Variants in CATSPERB observed in about 807,000 individuals in gnomAD.
The protein encoded by CATSPERB is cation channel sperm-associated auxiliary subunit beta.
CATSPERB carries 93 observed loss-of-function variants against 128.3 expected under a neutral mutation model. That is an observed-to-expected ratio of 0.72 (90% CI 0.61 to 0.86). The LOEUF is 0.86. Ranked by LOEUF, CATSPERB falls within the 40% of genes least tolerant of loss-of-function variation. The probability of loss-of-function intolerance (pLI) is 0.00; values close to 1 mark genes in which losing one functional copy is unlikely to be tolerated. For synonymous variants in CATSPERB, 381 were observed against 448.8 expected, an observed-to-expected ratio of 0.85 and a Z score of 1.91; for missense variants, 1,153 against 1,329.5, an observed-to-expected ratio of 0.87 and a Z score of 2.06.
intron 7 of CATSPERB, among the ~76,000 whole-genome samples, chr14:91,694,510 A>C (rs1895526852): frequency 6.6e-6 from 1 of 151,778 alleles, no homozygotes; most frequent in South Asian, 2.1e-4. Context: ...CTATTCACTA[A>C]GCATAAGAGA....
intron 15 of CATSPERB, among the ~76,000 whole-genome samples, chr14:91,646,817 T>G (rs1479466742): frequency 6.6e-6 from 1 of 152,222 alleles, no homozygotes; most frequent in Non-Finnish European, 1.5e-5. Flanking sequence ...AAGCTTTTGG[T>G]GTGTTATTAG....
At chr14:91,668,013 C>A (rs1396755613) in intron 14 of CATSPERB, among the ~76,000 whole-genome samples, 2 of 152,212 alleles carry the variant, frequency 1.3e-5, no homozygotes, top group Non-Finnish European at 2.9e-5. Flanking sequence ...CTACCGAGGA[C>A]ACCTGGACTG....
At chr14:91,716,847 T>C (rs1895951359) in intron 5 of CATSPERB, among the ~76,000 whole-genome samples, 2 of 152,062 alleles carry the variant, frequency 1.3e-5, no homozygotes. Flanking sequence ...TTTGACAGTT[T>C]TTCTTATAAA....
rs377173279 is a variant in CATSPERB at position 91,591,743 on chromosome 14, G to T, written c.2820+149C>A. On this transcript the variant is annotated intron_variant, in intron 23 of 26. Coordinates refer to ENST00000256343, the MANE Select transcript of CATSPERB (RefSeq NM_024764.4). Reference sequence around the variant, plus strand: ...AACTTGCAAGGTACATTTAAATCTGGATCTTTCTAGCTCGGTGTCATATTT... The same window carrying T: ...AACTTGCAAGGTACATTTAAATCTGTATCTTTCTAGCTCGGTGTCATATTT... The T allele has an allele frequency of 3.2e-4, 197 of 617,892 alleles. 2 individuals are homozygous for T. Among genetic ancestry groups the T allele is most frequent in the Non-Finnish European group, 2.9e-5 (10 of 349,636 alleles). The allele number at this position is 617,892 out of a possible 1,614,324, so 38.3% of individuals were successfully genotyped here.
rs1473892314 is a variant in CATSPERB, at chr14:91,695,127, G to A, written c.617-1648C>T. 5.6e-5 allele frequency among the ~76,000 whole-genome samples: 8 copies of A among 142,634 alleles called. No homozygotes were observed. In the Admixed American group the frequency reaches 5.8e-4, roughly 10 times the overall value. 93.6% of individuals were successfully genotyped at this position (142,634 alleles called of 152,430 possible). ...AGTTTAGTTTTACAGATAATGGTGG[G>A]AATTTTTTTTTTTTTTTTTTTTGAT... On this transcript the variant is annotated intron_variant, in intron 7 of 26. Coordinates refer to ENST00000256343, the MANE Select transcript of CATSPERB (RefSeq NM_024764.4).
At position 91,612,090 on chromosome 14, in the gene CATSPERB, C is replaced by T. The variant is rs148728007; in HGVS notation, c.2401-1413G>A. On this transcript the variant is annotated intron_variant, in intron 20 of 26. Coordinates refer to ENST00000256343, the MANE Select transcript of CATSPERB (RefSeq NM_024764.4). The stretch of plus-strand genomic sequence containing the variant: ...TTCCTTTTTTTAAGAGATGAGATCG[C>T]GCTCTGTCACCCAGGCTGGAGTACA... 2.4e-4 allele frequency among the ~76,000 whole-genome samples: 35 copies of T among 145,050 alleles called. 2 individuals are homozygous for T. The East Asian group carries it at 6.9e-3, about 29-fold the overall frequency.
chr14:91,672,325 A>C (rs1895111980), intron 13 of CATSPERB, among the ~76,000 whole-genome samples: 1 of 151,950 alleles, frequency 6.6e-6, no homozygotes, highest in Non-Finnish European at 1.5e-5. Context: ...TTGCTCTGTC[A>C]CCTCACCTGG....
intron 4 of CATSPERB, among the ~76,000 whole-genome samples, chr14:91,720,773 A>C (rs1161859793): frequency 6.6e-6 from 1 of 152,194 alleles, no homozygotes; most frequent in Non-Finnish European, 1.5e-5. Flanking sequence ...AGACTAGCAA[A>C]AATAATCTTG....
intron 14 of CATSPERB, among the ~76,000 whole-genome samples, chr14:91,667,916 T>A (rs1241939041): frequency 6.6e-6 from 1 of 152,184 alleles, no homozygotes; most frequent in Non-Finnish European, 1.5e-5. Flanking sequence ...TTAACCTCCT[T>A]GTCAAATTTG....
rs762221273 is a variant in CATSPERB, at chr14:91,693,444, G to T, written c.652C>A (p.His218Asn). ...TTAAACCATGTGGTATCATAATCAT[G>T]CCAGAATCCACCAAAGGTTATGCCT... The part of the protein sequence containing the change: ...YIGITFGGFW[H>N]DYDTTWFNMT... The change falls in exon 8 of 27, where the codon CAT becomes AAT. Residue 218 changes from histidine to asparagine, a missense_variant. By Grantham distance (68) the His-to-Asn change is moderately conservative. Coordinates refer to ENST00000256343, the MANE Select transcript of CATSPERB (RefSeq NM_024764.4). 1.2e-5 allele frequency: 20 copies of T among 1,613,896 alleles called. No individual in the cohort carries two copies. In the Admixed American group the frequency reaches 2.0e-4, roughly 16 times the overall value.
intron 22 of CATSPERB, among the ~76,000 whole-genome samples, chr14:91,595,580 T>C (rs943866216): frequency 6.6e-6 from 1 of 152,158 alleles, no homozygotes; most frequent in Admixed American, 6.5e-5. Context: ...GGGGCTTCTG[T>C]GCCTGTCAGA....
At chr14:91,715,552 C>CAAAAAAAAA in intron 5 of CATSPERB, among the ~76,000 whole-genome samples, 1 of 45,632 alleles carries the variant, frequency 2.2e-5, no homozygotes, top group Non-Finnish European at 4.7e-5. Flanking sequence ...GACTCCATCT[C>CAAAAAAAAA]AAAAAAAAAA....
At chr14:91,584,732 T>A (rs1044453607) in intron 26 of CATSPERB, among the ~76,000 whole-genome samples, 3 of 152,222 alleles carry the variant, frequency 2.0e-5, no homozygotes, top group Non-Finnish European at 2.9e-5. Flanking sequence ...ACTTTAAAGA[T>A]GTTGTATAAC....
At chr14:91,655,036 C>A (rs1435527782) in intron 15 of CATSPERB, among the ~76,000 whole-genome samples, 5 of 151,920 alleles carry the variant, frequency 3.3e-5, no homozygotes, top group Non-Finnish European at 4.4e-5. Flanking sequence ...ACAGGTAATA[C>A]AAGTTCTCCT....
intron 5 of CATSPERB, chr14:91,708,980 C>G (rs1400298152): frequency 6.6e-6 from 1 of 152,314 alleles, no homozygotes; most frequent in East Asian, 1.9e-4. Context: ...TAAGCACAGG[C>G]CAAGGCTGAG....
In CATSPERB at chr14:91,697,053, C is replaced by G. The variant is rs113918001; in HGVS notation, c.617-3574G>C. Among the ~76,000 whole-genome samples, 688 of 152,042 alleles carry G rather than the reference C, an allele frequency of 4.5e-3. 10 individuals are homozygous for G. The highest frequency in any genetic ancestry group is 0.016 in the African/African-American group (643 of 41,458). ...CAGAGTGGGAAAATAAATATACAAG[C>G]GAAGAGTGATAGGATTTATAGGCAG... On this transcript the variant is annotated intron_variant, in intron 7 of 26. Coordinates refer to ENST00000256343, the MANE Select transcript of CATSPERB (RefSeq NM_024764.4).
At chr14:91,715,184 G>A (rs1022032627) in intron 5 of CATSPERB, 6 of 151,962 alleles carry the variant, frequency 3.9e-5, no homozygotes, top group Non-Finnish European at 7.4e-5. Flanking sequence ...CACAAAACCT[G>A]GGTGAAATAA....
At chr14:91,585,715 A>G (rs1893285716) in intron 26 of CATSPERB, among the ~76,000 whole-genome samples, 1 of 152,150 alleles carries the variant, frequency 6.6e-6, no homozygotes, top group Non-Finnish European at 1.5e-5. Flanking sequence ...AGAATTGATT[A>G]TATTGTCTTG....
intron 22 of CATSPERB, among the ~76,000 whole-genome samples, chr14:91,596,499 G>A (rs1173509096): frequency 6.6e-6 from 1 of 151,932 alleles, no homozygotes; most frequent in Non-Finnish European, 1.5e-5. Flanking sequence ...CACCACACCT[G>A]GCCTATAAAT....
Sources: gnomAD v4.1 joint callset for allele counts (sites outside exome capture counted in the v4.1 genomes callset) on GRCh38, gnomAD v4.1.1 for gene constraint, MANE v1.5 for transcripts, NCBI Gene and HGNC (gene_info 2026-07-23, HGNC 2026-07-21) for gene names.